The following ADD1 variants were observed in gnomAD, a reference collection of about 807,000 sequenced individuals.
ADD1 encodes the protein alpha-adducin.
Under a neutral mutation model 80.5 loss-of-function variants are expected in ADD1, and 24 were observed. The ratio of observed to expected loss-of-function variants is 0.30; its 90% CI spans 0.22 to 0.42. ADD1 has a LOEUF of 0.42. ADD1 is among the 10% of genes least tolerant of loss of function. ADD1 has a pLI of 1.00. For missense variants in ADD1, 948 were observed against 1,019.0 expected, an observed-to-expected ratio of 0.93 and a Z score of 0.95; for synonymous variants, 373 against 393.8, an observed-to-expected ratio of 0.95 and a Z score of 0.63.
chr4:2,899,777 G>T, intron 9 of ADD1: 1 of 368,762 alleles, frequency 2.7e-6, no homozygotes, highest in Admixed American at 3.9e-5. Flanking sequence ...TTTTGAAATC[G>T]GTCAGTCAGG....
At position 2,885,822 on chromosome 4, in the gene ADD1, G is replaced by A. The variant is rs568108673; in HGVS notation, c.510+1156G>A. Among the ~76,000 whole-genome samples the A allele has an allele frequency of 5.3e-3, 800 of 152,142 alleles. 5 individuals carry two copies. Among genetic ancestry groups the A allele is most frequent in the Non-Finnish European group, 8.8e-3 (601 of 68,006 alleles). ...AGACGGGGTTTCACCGTGTTAGCCA[G>A]GATGGTCTCGATCTCCTGACCTTGT... On this transcript the variant is annotated intron_variant, in intron 4 of 15. Transcript: ENST00000683351.
At chr4:2,848,948 A>T (rs1322838895) in intron 1 of ADD1, among the ~76,000 whole-genome samples, 1 of 152,178 alleles carries the variant, frequency 6.6e-6, no homozygotes, top group Non-Finnish European at 1.5e-5. Context: ...CCTGGCCCCA[A>T]TTAATATTCT....
intron 13 of ADD1, among the ~76,000 whole-genome samples, chr4:2,911,142 C>T (rs182918962): frequency 5.3e-5 from 8 of 152,226 alleles, no homozygotes; most frequent in East Asian, 1.9e-4. Context: ...CAAGCAAGGA[C>T]GACTGTGTCC....
chr4:2,845,983 G>C (rs1320927228), intron 1 of ADD1, among the ~76,000 whole-genome samples: 1 of 152,104 alleles, frequency 6.6e-6, no homozygotes, highest in Admixed American at 6.6e-5. Context: ...AGTCAATCTT[G>C]CTTCATCATA....
At chr4:2,905,199 A>T (rs778499344) in intron 10 of ADD1, 91 bp downstream of exon 10, 1 of 1,260,240 alleles carries the variant, frequency 7.9e-7, no homozygotes, top group Non-Finnish European at 1.1e-6. Flanking sequence ...AGCCTTTCTG[A>T]CCCAGGTGTA....
At chr4:2,908,671 T>C (rs1477834468) in intron 12 of ADD1, 67 bp downstream of exon 12, 16 of 1,337,340 alleles carry the variant, frequency 1.2e-5, no homozygotes, top group South Asian at 1.2e-4. Flanking sequence ...CCAAAGTTAT[T>C]CTGAAATTGA....
Position 2,884,494 on chromosome 4 carries a change from TTTTG to T in ADD1, c.359-17_359-14del. ...GCGTATACCACTGCACCTGGCTGAG[TTTTG>T]TTTTTCTTTATTTCAGGTCTTGGTA... On this transcript the variant is annotated splice_polypyrimidine_tract_variant and intron_variant, in intron 3 of 15. Transcript: ENST00000683351. The T allele has an allele frequency of 1.3e-6, 2 of 1,582,920 alleles. No homozygotes were observed.
At chr4:2,902,393 A>G (rs978432286) in intron 9 of ADD1, 13 of 152,324 alleles carry the variant, frequency 8.5e-5, no homozygotes, top group African/African-American at 2.9e-4. Flanking sequence ...TCTGAGGACA[A>G]TTATGAAAAT....
rs540747745 is a variant in ADD1, at chr4:2,923,260, T to C, written c.1949-2754T>C. ...GTTTTGTGCTTGAAACCCAGGGTCC[T>C]GGTGTCATGGGCAGCCAAGGGAATT... is the stretch of plus-strand genomic sequence containing the variant. On this transcript the variant is annotated intron_variant, in intron 14 of 15. Coordinates refer to ENST00000683351, the MANE Select transcript of ADD1 (RefSeq NM_001354761.2). 7.9e-5 allele frequency among the ~76,000 whole-genome samples: 12 copies of C among 152,350 alleles called. No individual in the cohort carries two copies. The East Asian group carries it at 2.3e-3, about 29-fold the overall frequency.
intron 1 of ADD1, among the ~76,000 whole-genome samples, chr4:2,874,207 C>T (rs1036617154): frequency 1.3e-5 from 2 of 152,136 alleles, no homozygotes; most frequent in African/African-American, 4.8e-5. Context: ...CAGAATAAGG[C>T]TCTGTCTCAA....
intron 6 of ADD1, among the ~76,000 whole-genome samples, chr4:2,896,501 G>A (rs534259904): frequency 2.0e-5 from 3 of 152,112 alleles, no homozygotes; most frequent in South Asian, 2.1e-4. Context: ...GAGCCACCAC[G>A]TCCGACCTGA....
intron 9 of ADD1, chr4:2,901,876 A>G (rs920156411): frequency 3.4e-5 from 5 of 147,160 alleles, no homozygotes; most frequent in Non-Finnish European, 7.5e-5. Context: ...ATCAAGATAT[A>G]ATTTCAGTTT....
Position 2,889,709 on chromosome 4 carries a change from T to C in ADD1, c.511-4304T>C, listed in dbSNP as rs192143429. Among the ~76,000 whole-genome samples the C allele has an allele frequency of 1.1e-3, 167 of 152,050 alleles. 1 individual carries two copies. Among genetic ancestry groups the C allele is most frequent in the Admixed American group, 3.6e-3 (55 of 15,258 alleles). On this transcript the variant is annotated intron_variant, in intron 4 of 15. Coordinates refer to ENST00000683351, the MANE Select transcript of ADD1 (RefSeq NM_001354761.2). Reference sequence around the variant, plus strand: ...CATGGTGGTGTGCCTGTAGTCCCAGTTGCTGGGGAGGCTGAGACAGGAGAA... The same window carrying C: ...CATGGTGGTGTGCCTGTAGTCCCAGCTGCTGGGGAGGCTGAGACAGGAGAA...
intron 5 of ADD1, 107 bp downstream of exon 5, chr4:2,894,200 T>C (rs1301849387): frequency 1.3e-5 from 12 of 890,046 alleles, no homozygotes; most frequent in East Asian, 2.4e-5. Flanking sequence ...AGAAAGAGCC[T>C]ATGTTTTATG....
At chr4:2,913,427 A>G (rs1048960436) in intron 13 of ADD1, among the ~76,000 whole-genome samples, 1 of 152,180 alleles carries the variant, frequency 6.6e-6, no homozygotes, top group African/African-American at 2.4e-5. Flanking sequence ...GACATGGCAG[A>G]CAGGACTCAG....
intron 4 of ADD1, among the ~76,000 whole-genome samples, chr4:2,891,580 C>T (rs938960194): frequency 3.3e-5 from 5 of 152,060 alleles, no homozygotes; most frequent in Admixed American, 2.6e-4. Context: ...GTAAATGACC[C>T]CTAGCAATGA....
At chr4:2,921,427 C>T (rs185540105) in intron 14 of ADD1, among the ~76,000 whole-genome samples, 18 of 152,256 alleles carry the variant, frequency 1.2e-4, no homozygotes, top group Admixed American at 9.8e-4. Flanking sequence ...TGCACCCGGC[C>T]GAAAATTCTT....
chr4:2,916,290 G>A (rs1383467022), intron 14 of ADD1, among the ~76,000 whole-genome samples: 1 of 151,600 alleles, frequency 6.6e-6, no homozygotes, highest in East Asian at 1.9e-4. Context: ...CCGCCTCCTG[G>A]GTTCAAGCAA....
At chr4:2,914,224 A>T (rs1424460183) in intron 13 of ADD1, among the ~76,000 whole-genome samples, 4 of 151,982 alleles carry the variant, frequency 2.6e-5, no homozygotes, top group African/African-American at 9.7e-5. Flanking sequence ...TGCAGGCTCC[A>T]CCTCCTGCTT....
Sources: gnomAD v4.1 joint callset for allele counts (sites outside exome capture counted in the v4.1 genomes callset) on GRCh38, gnomAD v4.1.1 for gene constraint, MANE v1.5 for transcripts, NCBI Gene and HGNC (gene_info 2026-07-23, HGNC 2026-07-21) for gene names.